FRMD4A: variants seen among roughly 807,000 people sequenced by gnomAD.
FRMD4A encodes FERM domain containing 4A.
FRMD4A carries 29 observed loss-of-function variants against 129.1 expected under a neutral mutation model. The observed-to-expected ratio is 0.22, with a 90% CI of 0.17 to 0.31. The LOEUF (loss-of-function observed/expected upper bound fraction) is 0.31, where lower values mean the gene tolerates loss of function less well. Among genes scored for constraint, FRMD4A ranks in the 10% least tolerant of loss-of-function variants. FRMD4A has a pLI of 1.00. For missense variants in FRMD4A, 1,272 were observed against 1,375.8 expected, an observed-to-expected ratio of 0.92 and a Z score of 1.19; for synonymous variants, 634 against 571.6, an observed-to-expected ratio of 1.11 and a Z score of -1.56.
chr10:13,936,410 G>A (rs1007894444), intron 2 of FRMD4A, among the ~76,000 whole-genome samples: 3 of 152,158 alleles, frequency 2.0e-5, no homozygotes, highest in African/African-American at 4.8e-5. Context: ...TAGGCTGAAT[G>A]TGCTCCTCCA....
At chr10:13,869,483 C>T (rs1265035921) in intron 2 of FRMD4A, among the ~76,000 whole-genome samples, 1 of 152,252 alleles carries the variant, frequency 6.6e-6, no homozygotes, top group Non-Finnish European at 1.5e-5. Context: ...GGTCCACAAT[C>T]ACCCTCCTCA....
Position 13,925,163 on chromosome 10 carries a change from T to G in FRMD4A, c.46-66251A>C, listed in dbSNP as rs544911463. Among the ~76,000 whole-genome samples, 8 of 151,864 alleles carry G rather than the reference T, an allele frequency of 5.3e-5. No individual in the cohort carries two copies. In the South Asian group the frequency reaches 1.7e-3, roughly 32 times the overall value. ...TTGTGGTGGCACAATGGGCAAGATC[T>G]GCACTTACTTCTTTCAAGGAAGAGA... On this transcript the variant is annotated intron_variant, in intron 2 of 24. Coordinates refer to ENST00000357447, the MANE Select transcript of FRMD4A (RefSeq NM_018027.5).
intron 2 of FRMD4A, among the ~76,000 whole-genome samples, chr10:14,180,240 G>A (rs1841868528): frequency 6.6e-6 from 1 of 152,104 alleles, no homozygotes; most frequent in South Asian, 2.1e-4. Flanking sequence ...ATTTTAACAG[G>A]TGTATTATTA....
chr10:14,088,521 C>T, intron 2 of FRMD4A, among the ~76,000 whole-genome samples: 1 of 151,160 alleles, frequency 6.6e-6, no homozygotes, highest in East Asian at 1.9e-4. Context: ...AATCCTAGAA[C>T]TTTGGGAGGC....
intron 2 of FRMD4A, among the ~76,000 whole-genome samples, chr10:14,224,654 G>C (rs1247167695): frequency 6.6e-6 from 1 of 152,044 alleles, no homozygotes; most frequent in African/African-American, 2.4e-5. Flanking sequence ...ACTGTTCAGG[G>C]CCCCACCTAG....
At chr10:13,826,355 A>C (rs1449106221) in intron 3 of FRMD4A, among the ~76,000 whole-genome samples, 1 of 152,172 alleles carries the variant, frequency 6.6e-6, no homozygotes, top group Non-Finnish European at 1.5e-5. Context: ...TTCCCTTGGA[A>C]TTAAACTTAT....
At chr10:13,768,080 A>ATGTG (rs36052011) in intron 6 of FRMD4A, among the ~76,000 whole-genome samples, 2,094 of 150,014 alleles carry the variant, frequency 0.014, 45 homozygotes, top group African/African-American at 0.046. Context: ...GTCTGCAGGT[A>ATGTG]TGTGTGTGTG....
Position 13,646,908 on chromosome 10 carries a change from G to A in FRMD4A, c.*130C>T, listed in dbSNP as rs2134318441. Reference sequence around the variant, plus strand: ...TGAGGTGATCTCAGAATGGCGTTGAGGCGGTCAGATTAGGCCGGGCTGGCT... The same window carrying A: ...TGAGGTGATCTCAGAATGGCGTTGAAGCGGTCAGATTAGGCCGGGCTGGCT... On this transcript the variant is annotated 3_prime_UTR_variant, in exon 25 of 25. Coordinates refer to ENST00000357447, the MANE Select transcript of FRMD4A (RefSeq NM_018027.5). 3 of 685,538 alleles carry A rather than the reference G, an allele frequency of 4.4e-6. No individual in the cohort carries two copies. Among genetic ancestry groups the A allele is most frequent in the Non-Finnish European group, 5.4e-6 (3 of 555,166 alleles). The allele number at this position is 685,538 out of a possible 1,614,324, so 42.5% of individuals were successfully genotyped here. A position where few individuals can be genotyped will look rare whatever the true frequency, so the allele number is the denominator to read the frequency against.
At position 14,260,754 on chromosome 10, in the gene FRMD4A, G is replaced by T. The variant is rs538222944; in HGVS notation, c.45+69304C>A. 5.3e-5 allele frequency among the ~76,000 whole-genome samples: 8 copies of T among 152,164 alleles called. No homozygotes were observed. In the South Asian group the frequency reaches 1.5e-3, roughly 28 times the overall value. On this transcript the variant is annotated intron_variant, in intron 2 of 24. Coordinates refer to ENST00000357447, the MANE Select transcript of FRMD4A (RefSeq NM_018027.5). Reference sequence around the variant, plus strand: ...GAAACACCCAGAGATGATGAAACAGGAATTTTGTTAAGGCAAACTATTTCC... The same window carrying T: ...GAAACACCCAGAGATGATGAAACAGTAATTTTGTTAAGGCAAACTATTTCC...
At chr10:14,227,240 CTTCT>C (rs1312087432) in intron 2 of FRMD4A, among the ~76,000 whole-genome samples, 1 of 93,962 alleles carries the variant, frequency 1.1e-5, no homozygotes, top group Non-Finnish European at 2.2e-5. Flanking sequence ...TTCTCTTCTT[CTTCT>C]TTTTTTTTTT....
intron 17 of FRMD4A, among the ~76,000 whole-genome samples, chr10:13,666,673 G>A (rs1564558490): frequency 6.6e-6 from 1 of 152,130 alleles, no homozygotes; most frequent in South Asian, 2.1e-4. Context: ...CCAAGTGACT[G>A]TCACTTCCTT....
At chr10:14,146,676 G>A (rs368662424) in intron 2 of FRMD4A, among the ~76,000 whole-genome samples, 1 of 152,092 alleles carries the variant, frequency 6.6e-6, no homozygotes, top group Non-Finnish European at 1.5e-5. Flanking sequence ...ACTCAACACG[G>A]CACTAAGTTC....
rs372233386 is a variant in FRMD4A, at chr10:13,923,937, G to A, written c.46-65025C>T. Among the ~76,000 whole-genome samples, 3 of 152,302 alleles carry A rather than the reference G, an allele frequency of 2.0e-5. 1 individual carries two copies. Among genetic ancestry groups the A allele is most frequent in the African/African-American group, 7.2e-5 (3 of 41,552 alleles). ...ACAAAATAAACCTGCAAGTCACAAA[G>A]CAATGTAATGATAGAGGCAGCATGT... On this transcript the variant is annotated intron_variant, in intron 2 of 24. Transcript: ENST00000357447.
At chr10:14,045,843 T>C (rs184145654) in intron 2 of FRMD4A, among the ~76,000 whole-genome samples, 331 of 146,386 alleles carry the variant, frequency 2.3e-3, no homozygotes, top group Non-Finnish European at 4.0e-3. Context: ...CCTACAAATA[T>C]ATATATCACA....
chr10:13,687,977 C>G (rs115170895), intron 15 of FRMD4A, among the ~76,000 whole-genome samples: 2,061 of 152,236 alleles, frequency 0.014, 54 homozygotes, highest in African/African-American at 0.046. Context: ...CGGGGTCTCA[C>G]AGGGGACAGC....
At chr10:13,680,885 A>G (rs1477300069) in intron 15 of FRMD4A, among the ~76,000 whole-genome samples, 6 of 152,170 alleles carry the variant, frequency 3.9e-5, no homozygotes, top group African/African-American at 1.2e-4. Flanking sequence ...CTCTACTAAA[A>G]AAAAATTAAA....
intron 6 of FRMD4A, among the ~76,000 whole-genome samples, chr10:13,774,240 T>C (rs938505342): frequency 1.3e-5 from 2 of 152,124 alleles, no homozygotes; most frequent in African/African-American, 2.4e-5. Flanking sequence ...TCCTGCTCTA[T>C]TGTATAAAGT....
intron 2 of FRMD4A, among the ~76,000 whole-genome samples, chr10:14,190,898 G>A (rs1035612766): frequency 6.6e-6 from 1 of 152,206 alleles, no homozygotes; most frequent in Non-Finnish European, 1.5e-5. Flanking sequence ...ATCTATTCGT[G>A]ATGCCTCCTG....
At chr10:14,185,732 A>G (rs1317658530) in intron 2 of FRMD4A, among the ~76,000 whole-genome samples, 2 of 152,206 alleles carry the variant, frequency 1.3e-5, no homozygotes, top group Non-Finnish European at 2.9e-5. Context: ...GAGAGAAGGG[A>G]TGGCAACAGC....
Sources: allele counts gnomAD v4.1 joint callset (sites outside exome capture counted in the v4.1 genomes callset), GRCh38; gene constraint gnomAD v4.1.1; transcripts MANE v1.5; gene names NCBI Gene and HGNC (gene_info 2026-07-23, HGNC 2026-07-21).